The following PGCKA1 variants were observed in gnomAD, a reference collection of about 807,000 sequenced individuals.
The protein encoded by PGCKA1 is PDCD10 and GCKIII kinases-associated protein 1.
chr4:37,527,541 C>T, the PGCKA1 span, among the ~76,000 whole-genome samples: 4 of 151,896 alleles, frequency 2.6e-5, no homozygotes, highest in East Asian at 1.9e-4. Flanking sequence ...TTTTATGAGC[C>T]GGGCATTGTG....
At chr4:37,582,337 T>C in the PGCKA1 span, among the ~76,000 whole-genome samples, 1 of 152,330 alleles carries the variant, frequency 6.6e-6, no homozygotes, top group South Asian at 2.1e-4. Context: ...GGCTTCTATC[T>C]GGCCATCTTG....
At chr4:37,545,057 T>C in the PGCKA1 span, among the ~76,000 whole-genome samples, 1 of 152,090 alleles carries the variant, frequency 6.6e-6, no homozygotes, top group Non-Finnish European at 1.5e-5. Flanking sequence ...GGTTTCTCCA[T>C]GTTGGTCTGG....
the PGCKA1 span, among the ~76,000 whole-genome samples, chr4:37,511,501 G>A: frequency 6.6e-6 from 1 of 152,042 alleles, no homozygotes; most frequent in Non-Finnish European, 1.5e-5. Flanking sequence ...TTCATCCAAG[G>A]GCTAGGTCCC....
the PGCKA1 span, among the ~76,000 whole-genome samples, chr4:37,519,107 G>A: frequency 6.6e-6 from 1 of 152,076 alleles, no homozygotes; most frequent in African/African-American, 2.4e-5. Flanking sequence ...CTGGGTTCTT[G>A]ATTCTGATCC....
the PGCKA1 span, among the ~76,000 whole-genome samples, chr4:37,528,604 A>T: frequency 1.3e-5 from 2 of 152,066 alleles, no homozygotes; most frequent in African/African-American, 4.8e-5. Context: ...ATCCTTGAAA[A>T]TTTTTTAAAA....
chr4:37,469,172 A>G, the PGCKA1 span, among the ~76,000 whole-genome samples: 1 of 152,192 alleles, frequency 6.6e-6, no homozygotes. Context: ...AGTAGGCTCT[A>G]CCATCTAGGT....
the PGCKA1 span, among the ~76,000 whole-genome samples, chr4:37,529,345 G>A: frequency 4.2e-4 from 64 of 152,074 alleles, no homozygotes; most frequent in Admixed American, 3.7e-3. Flanking sequence ...TTTAAGACTC[G>A]TATGTATTTC....
the PGCKA1 span, among the ~76,000 whole-genome samples, chr4:37,532,982 G>A: frequency 3.9e-5 from 6 of 152,118 alleles, no homozygotes; most frequent in African/African-American, 1.4e-4. Flanking sequence ...GGAGGGGGGC[G>A]AGGGATAAAA....
the PGCKA1 span, among the ~76,000 whole-genome samples, chr4:37,539,383 G>A: frequency 1.8e-4 from 28 of 152,276 alleles, no homozygotes; most frequent in South Asian, 2.1e-4. Context: ...GCAGCCGGGC[G>A]CGGTGGCTCA....
chr4:37,557,648 T>C, the PGCKA1 span, among the ~76,000 whole-genome samples: 10 of 152,226 alleles, frequency 6.6e-5, no homozygotes, highest in African/African-American at 1.7e-4. Context: ...TTTCAACATA[T>C]GAATTTGCAG....
the PGCKA1 span, among the ~76,000 whole-genome samples, chr4:37,470,776 T>C: frequency 6.6e-6 from 1 of 152,232 alleles, no homozygotes; most frequent in African/African-American, 2.4e-5. Context: ...ACCCTAATAT[T>C]TATTCTAAAT....
At chr4:37,499,153 C>G in the PGCKA1 span, among the ~76,000 whole-genome samples, 5 of 152,332 alleles carry the variant, frequency 3.3e-5, no homozygotes, top group South Asian at 1.0e-3. Context: ...TTGAACCAAC[C>G]TTGCATCCCA....
chr4:37,570,921 G>A, the PGCKA1 span, among the ~76,000 whole-genome samples: 1 of 152,190 alleles, frequency 6.6e-6, no homozygotes, highest in Non-Finnish European at 1.5e-5. Flanking sequence ...TCCTGCCTCC[G>A]GCTTGTAGTT....
At chr4:37,509,838 C>T in the PGCKA1 span, among the ~76,000 whole-genome samples, 1 of 151,648 alleles carries the variant, frequency 6.6e-6, no homozygotes. Flanking sequence ...CGGCGCGCGC[C>T]TGCAATCCCA....
the PGCKA1 span, among the ~76,000 whole-genome samples, chr4:37,509,253 G>A: frequency 7.5e-6 from 1 of 133,934 alleles, no homozygotes; most frequent in African/African-American, 3.0e-5. Flanking sequence ...AGAAGGGGTG[G>A]CCAGGCAGAG....
the PGCKA1 span, chr4:37,590,591 A>C: frequency 6.2e-7 from 1 of 1,614,170 alleles, no homozygotes; most frequent in East Asian, 2.2e-5. Flanking sequence ...GTACAAGACC[A>C]TGTCTTCCAG....
the PGCKA1 span, among the ~76,000 whole-genome samples, chr4:37,565,312 C>T: frequency 6.6e-6 from 1 of 152,136 alleles, no homozygotes; most frequent in Non-Finnish European, 1.5e-5. Flanking sequence ...TCGCATGGGG[C>T]CATATTTATT....
chr4:37,538,067 T>TCACACACA, the PGCKA1 span, among the ~76,000 whole-genome samples: 1,537 of 150,184 alleles, frequency 0.01, 32 homozygotes, highest in African/African-American at 0.035. Flanking sequence ...CACAACCCTG[T>TCACACACA]CACACACACA....
the PGCKA1 span, chr4:37,590,352 C>T: frequency 2.8e-5 from 45 of 1,613,540 alleles, no homozygotes; most frequent in African/African-American, 4.0e-5. Context: ...GCGGTGTCAA[C>T]GGCATCGGCC....
Sources: allele counts gnomAD v4.1 joint callset (sites outside exome capture counted in the v4.1 genomes callset), GRCh38; gene constraint gnomAD v4.1.1; transcripts MANE v1.5; gene names NCBI Gene and HGNC (gene_info 2026-07-23, HGNC 2026-07-21).